Variants in CDH8 observed in about 807,000 individuals in gnomAD.
The protein encoded by CDH8 is cadherin 8, also known as cadherin-8.
A neutral mutation model predicts 68.1 loss-of-function variants in CDH8; 17 were observed. The observed-to-expected ratio is 0.25, with a 90% confidence interval of 0.17 to 0.37. The LOEUF (loss-of-function observed/expected upper bound fraction) is 0.37. Ranked by LOEUF, CDH8 falls within the 10% of genes least tolerant of loss-of-function variation. CDH8 has a pLI of 1.00. For synonymous variants in CDH8, 372 were observed against 365.1 expected, an observed-to-expected ratio of 1.02 and a Z score of -0.21; for missense variants, 763 against 999.3, an observed-to-expected ratio of 0.76 and a Z score of 3.19.
At chr16:61,807,281 A>C (rs1180913855) in intron 7 of CDH8, among the ~76,000 whole-genome samples, 15 of 138,938 alleles carry the variant, frequency 1.1e-4, no homozygotes, top group Non-Finnish European at 2.3e-4. Flanking sequence ...ATGAGATCAC[A>C]TGGACACAGG....
intron 3 of CDH8, among the ~76,000 whole-genome samples, chr16:61,857,662 A>G (rs895754133): frequency 6.6e-6 from 1 of 152,200 alleles, no homozygotes; most frequent in African/African-American, 2.4e-5. Flanking sequence ...AGCTGTACAG[A>G]AATATCAAAA....
At chr16:61,822,341 G>T (rs1301480597) in intron 5 of CDH8, among the ~76,000 whole-genome samples, 1 of 146,556 alleles carries the variant, frequency 6.8e-6, no homozygotes, top group African/African-American at 2.5e-5. Flanking sequence ...TTGTCTCAGG[G>T]TCTGTTTCTG....
chr16:61,964,064 A>C (rs1246512654), intron 2 of CDH8, among the ~76,000 whole-genome samples: 2 of 152,212 alleles, frequency 1.3e-5, no homozygotes, highest in Non-Finnish European at 2.9e-5. Context: ...TAAGCCAAAC[A>C]ACTTACAATA....
chr16:61,820,181 G>A (rs1447937930), intron 6 of CDH8, among the ~76,000 whole-genome samples: 1 of 151,854 alleles, frequency 6.6e-6, no homozygotes, highest in African/African-American at 2.4e-5. Flanking sequence ...GCAAGGGAAC[G>A]ATGAGATTCA....
chr16:61,692,766 G>A (rs1964254740), intron 10 of CDH8: 2 of 152,104 alleles, frequency 1.3e-5, no homozygotes. Context: ...TCTTCGGTGA[G>A]TAGATGGGTT....
intron 2 of CDH8, among the ~76,000 whole-genome samples, chr16:62,006,700 A>T (rs1965981702): frequency 6.6e-6 from 1 of 152,246 alleles, no homozygotes; most frequent in South Asian, 2.1e-4. Context: ...AAAGTTAAAA[A>T]TAAAAGGTTT....
chr16:61,968,848 G>T (rs1360400893), intron 2 of CDH8, among the ~76,000 whole-genome samples: 1 of 152,210 alleles, frequency 6.6e-6, no homozygotes, highest in African/African-American at 2.4e-5. Flanking sequence ...AGTGCTGCTT[G>T]AGAAAGCGGC....
intron 8 of CDH8, among the ~76,000 whole-genome samples, chr16:61,788,410 T>C (rs961460734): frequency 6.6e-6 from 1 of 152,124 alleles, no homozygotes; most frequent in Admixed American, 6.6e-5. Context: ...TTATTTCTTA[T>C]TCAAATTCCC....
At chr16:61,899,656 AAGAGAAAGTCATTCAAAC>A (rs1280534361) in intron 3 of CDH8, among the ~76,000 whole-genome samples, 6 of 152,184 alleles carry the variant, frequency 3.9e-5, no homozygotes, top group Non-Finnish European at 8.8e-5. Flanking sequence ...GCGACAAAAT[AAGAGAAAGTCATTCAAAC>A]ATAAAACAGA....
intron 4 of CDH8, among the ~76,000 whole-genome samples, chr16:61,835,702 C>T (rs1597006814): frequency 1.3e-5 from 2 of 151,930 alleles, no homozygotes. Context: ...CTGTGAAGAA[C>T]ATGATGGCAC....
intron 7 of CDH8, among the ~76,000 whole-genome samples, chr16:61,817,131 C>CA (rs1035631409): frequency 6.6e-6 from 1 of 151,932 alleles, no homozygotes; most frequent in Non-Finnish European, 1.5e-5. Flanking sequence ...AACAAACAAA[C>CA]AAAAAAAGCA....
intron 8 of CDH8, among the ~76,000 whole-genome samples, chr16:61,755,378 CAT>C (rs565970695): frequency 0.011 from 1,641 of 152,202 alleles, 15 homozygotes; most frequent in Non-Finnish European, 0.016. Flanking sequence ...AATGTATCCA[CAT>C]CTTTATATAT....
chr16:62,027,177 T>C (rs563690505), intron 1 of CDH8, among the ~76,000 whole-genome samples: 1 of 152,258 alleles, frequency 6.6e-6, no homozygotes, highest in East Asian at 1.9e-4. Flanking sequence ...TCTTTAGAAT[T>C]CCCCCATATG....
intron 10 of CDH8, among the ~76,000 whole-genome samples, chr16:61,672,501 T>G (rs1183252252): frequency 6.6e-6 from 1 of 152,070 alleles, no homozygotes; most frequent in Non-Finnish European, 1.5e-5. Flanking sequence ...GAAAAAATCT[T>G]TGAGGAATAC....
At chr16:61,886,824 G>A (rs751706291) in intron 3 of CDH8, among the ~76,000 whole-genome samples, 7 of 152,090 alleles carry the variant, frequency 4.6e-5, no homozygotes, top group Non-Finnish European at 7.4e-5. Context: ...AAATACCTGC[G>A]GTTGAGACTA....
chr16:61,784,733 C>G (rs919981389), intron 8 of CDH8, among the ~76,000 whole-genome samples: 3 of 149,986 alleles, frequency 2.0e-5, no homozygotes, highest in Non-Finnish European at 4.5e-5. Flanking sequence ...TTATAACAAA[C>G]TGTCTCTCAG....
At chr16:61,905,818 C>T (rs946641763) in intron 2 of CDH8, among the ~76,000 whole-genome samples, 1 of 151,720 alleles carries the variant, frequency 6.6e-6, no homozygotes, top group African/African-American at 2.4e-5. Context: ...ATCGTTGAAC[C>T]CCGGAGGTGG....
intron 2 of CDH8, among the ~76,000 whole-genome samples, chr16:61,960,578 G>C (rs1189089114): frequency 6.6e-6 from 1 of 152,112 alleles, no homozygotes; most frequent in Admixed American, 6.5e-5. Context: ...CCATAAGCTG[G>C]TGCCCAAAAA....
chr16:61,698,835 G>A (rs1030528133), intron 10 of CDH8, among the ~76,000 whole-genome samples: 12 of 151,978 alleles, frequency 7.9e-5, no homozygotes, highest in African/African-American at 2.9e-4. Context: ...GGAGGCATAC[G>A]TCACCCATAT....
Sources: gnomAD v4.1 joint callset for allele counts (sites outside exome capture counted in the v4.1 genomes callset) on GRCh38, gnomAD v4.1.1 for gene constraint, MANE v1.5 for transcripts, NCBI Gene and HGNC (gene_info 2026-07-23, HGNC 2026-07-21) for gene names.